PAM: variants seen among roughly 807,000 people sequenced by gnomAD.
The protein encoded by PAM is peptidyl-glycine alpha-amidating monooxygenase.
In PAM, 72 loss-of-function variants were observed where a neutral mutation model predicts 122.1. The ratio of observed to expected loss-of-function variants is 0.59; its 90% confidence interval spans 0.49 to 0.72. PAM has a LOEUF of 0.72. PAM is among the 30% of genes least tolerant of loss of function. PAM has a pLI of 0.00. For missense variants in PAM, 1,106 were observed against 1,183.7 expected, an observed-to-expected ratio of 0.93 and a Z score of 0.96; for synonymous variants, 389 against 404.4, an observed-to-expected ratio of 0.96 and a Z score of 0.46.
intron 1 of PAM, among the ~76,000 whole-genome samples, chr5:102,760,686 GGTGA>G (rs1419538009): frequency 2.0e-5 from 3 of 152,132 alleles, no homozygotes; most frequent in Non-Finnish European, 4.4e-5. Flanking sequence ...TGTTTGTGTT[GGTGA>G]GTGAGTAGAG....
At position 103,025,127 on chromosome 5, in the gene PAM, G is replaced by A. The variant is rs368507691; in HGVS notation, c.2486-4G>A. ...GAATATTGTGAACTCTTCTTTCCCT[G>A]AAGAAGCCGAGGCAGTTGTTGAAAC... On this transcript the variant is annotated splice_polypyrimidine_tract_variant and splice_region_variant and intron_variant, in intron 23 of 25. Coordinates refer to ENST00000438793, the MANE Select transcript of PAM (RefSeq NM_001177306.2). 103 of 1,608,076 alleles carry A rather than the reference G, an allele frequency of 6.4e-5. 2 individuals are homozygous for A. In the African/African-American group the frequency reaches 1.3e-3, roughly 20 times the overall value.
intron 5 of PAM, among the ~76,000 whole-genome samples, chr5:102,916,924 G>A (rs920896035): frequency 6.6e-6 from 1 of 151,562 alleles, no homozygotes; most frequent in Admixed American, 6.6e-5. Flanking sequence ...GTAGAGATGG[G>A]GTTTTGCCAT....
intron 1 of PAM, among the ~76,000 whole-genome samples, chr5:102,764,490 G>A (rs747415630): frequency 3.9e-5 from 6 of 152,034 alleles, no homozygotes; most frequent in Non-Finnish European, 8.8e-5. Flanking sequence ...GCGGTAACAG[G>A]TATAAGATAT....
intron 15 of PAM, among the ~76,000 whole-genome samples, chr5:102,975,281 C>T (rs1005518948): frequency 6.6e-6 from 1 of 152,180 alleles, no homozygotes. Flanking sequence ...GCACAGGCTG[C>T]CAGCTTGATG....
At chr5:102,938,635 T>G (rs976924981) in intron 7 of PAM, among the ~76,000 whole-genome samples, 1 of 152,140 alleles carries the variant, frequency 6.6e-6, no homozygotes, top group Non-Finnish European at 1.5e-5. Context: ...CTCATAATTA[T>G]TAACTCATTT....
At chr5:102,837,362 C>G (rs1395602437) in intron 1 of PAM, among the ~76,000 whole-genome samples, 1 of 152,142 alleles carries the variant, frequency 6.6e-6, no homozygotes, top group African/African-American at 2.4e-5. Context: ...CAATAAAAGC[C>G]AGGTAGGAAT....
intron 14 of PAM, 117 bp from the exon 15 acceptor site, chr5:102,973,999 A>C: frequency 1.5e-6 from 1 of 663,426 alleles, no homozygotes; most frequent in African/African-American, 1.8e-5. Context: ...GTCTGAGTGC[A>C]AACTTCTCTC....
chr5:103,026,099 A>T (rs1297265209), intron 24 of PAM, among the ~76,000 whole-genome samples: 1 of 152,216 alleles, frequency 6.6e-6, no homozygotes, highest in Non-Finnish European at 1.5e-5. Context: ...GTCCAATACC[A>T]GAGTTAGTAT....
intron 1 of PAM, among the ~76,000 whole-genome samples, chr5:102,822,171 A>G (rs1453564581): frequency 1.3e-5 from 2 of 152,200 alleles, no homozygotes; most frequent in Non-Finnish European, 2.9e-5. Flanking sequence ...CCCCCTGAGC[A>G]CTTTCATTTT....
At chr5:102,768,861 A>G (rs574554307) in intron 1 of PAM, among the ~76,000 whole-genome samples, 5 of 152,174 alleles carry the variant, frequency 3.3e-5, no homozygotes, top group Admixed American at 3.3e-4. Context: ...AGTGGGACAT[A>G]TATACCCCAA....
chr5:102,958,821 C>G (rs1269381622), intron 12 of PAM, among the ~76,000 whole-genome samples: 2 of 152,116 alleles, frequency 1.3e-5, no homozygotes, highest in Admixed American at 1.3e-4. Flanking sequence ...AAAGTGAGTG[C>G]TGCATGACAT....
intron 16 of PAM, among the ~76,000 whole-genome samples, chr5:102,994,894 A>T (rs1190520541): frequency 6.6e-6 from 1 of 152,148 alleles, no homozygotes; most frequent in Non-Finnish European, 1.5e-5. Context: ...TGTTTATAAA[A>T]TTTGAATAGC....
chr5:102,868,594 GAAC>G (rs1376043765), intron 3 of PAM, among the ~76,000 whole-genome samples: 1 of 152,222 alleles, frequency 6.6e-6, no homozygotes, highest in Non-Finnish European at 1.5e-5. Flanking sequence ...TAGGAGAGAA[GAAC>G]AACAGTTGCT....
intron 3 of PAM, among the ~76,000 whole-genome samples, chr5:102,869,204 G>A (rs932697712): frequency 1.2e-4 from 19 of 152,104 alleles, no homozygotes; most frequent in African/African-American, 3.6e-4. Flanking sequence ...CTCCCTTTCC[G>A]CAATGATTGG....
chr5:103,011,135 C>T (rs1435556835), intron 21 of PAM, among the ~76,000 whole-genome samples: 3 of 152,136 alleles, frequency 2.0e-5, no homozygotes, highest in Non-Finnish European at 4.4e-5. Context: ...AAAAGCATAA[C>T]TCTGTTAGCT....
At chr5:103,019,241 C>G (rs1163659978) in intron 22 of PAM, among the ~76,000 whole-genome samples, 1 of 152,198 alleles carries the variant, frequency 6.6e-6, no homozygotes, top group Non-Finnish European at 1.5e-5. Context: ...TCCCAAGTGA[C>G]TTTGGTACAT....
chr5:103,011,250 C>T (rs1286828595), intron 21 of PAM, among the ~76,000 whole-genome samples: 1 of 152,088 alleles, frequency 6.6e-6, no homozygotes, highest in African/African-American at 2.4e-5. Flanking sequence ...GCAAGTAAAA[C>T]CTGCAAAATA....
intron 20 of PAM, among the ~76,000 whole-genome samples, chr5:103,007,911 T>G (rs1779520198): frequency 6.6e-6 from 1 of 152,134 alleles, no homozygotes; most frequent in Non-Finnish European, 1.5e-5. Context: ...AACATTGATT[T>G]TCATTTTATC....
rs150279043 is a variant in PAM, at chr5:102,893,009, C to T, written c.211-8347C>T. ...TAATTTAGCTTATTACACCTGTGAC[C>T]TCTGGGTATCAAGGGAAGAAAACCT... On this transcript the variant is annotated intron_variant, in intron 3 of 25. Coordinates refer to ENST00000438793, the MANE Select transcript of PAM (RefSeq NM_001177306.2). Among the ~76,000 whole-genome samples, 1,225 of 151,766 alleles carry T rather than the reference C, an allele frequency of 8.1e-3. 22 individuals are homozygous for T. The highest frequency in any genetic ancestry group is 0.028 in the African/African-American group (1,146 of 41,474).
Sources: allele counts gnomAD v4.1 joint callset (sites outside exome capture counted in the v4.1 genomes callset), GRCh38; gene constraint gnomAD v4.1.1; transcripts MANE v1.5; gene names NCBI Gene and HGNC (gene_info 2026-07-23, HGNC 2026-07-21).